The following AIDA variants were observed in gnomAD, a reference collection of about 807,000 sequenced individuals.
AIDA encodes axin interactor, dorsalization-associated protein.
In AIDA, 18 loss-of-function variants were observed where a neutral mutation model predicts 42.7. The ratio of observed to expected loss-of-function variants is 0.42; its 90% CI spans 0.29 to 0.63. AIDA has a LOEUF of 0.63. AIDA is among the 20% of genes least tolerant of loss of function. The pLI is 0.19. For missense variants in AIDA, 250 were observed against 354.1 expected, an observed-to-expected ratio of 0.71 and a Z score of 2.36; for synonymous variants, 104 against 122.9, an observed-to-expected ratio of 0.85 and a Z score of 1.02.
At chr1:222,700,562 C>A (rs1655662112) in intron 2 of AIDA, among the ~76,000 whole-genome samples, 1 of 152,056 alleles carries the variant, frequency 6.6e-6, no homozygotes, top group African/African-American at 2.4e-5. Context: ...TCGAGACTAT[C>A]CTGGCTAACA....
chr1:222,685,253 G>C (rs1392951320), intron 6 of AIDA, among the ~76,000 whole-genome samples: 2 of 152,166 alleles, frequency 1.3e-5, no homozygotes, highest in African/African-American at 4.8e-5. Context: ...ATGCTAAATG[G>C]TTTATACTTA....
chr1:222,673,651 G>A (rs1336104232), intron 7 of AIDA, among the ~76,000 whole-genome samples: 4 of 151,526 alleles, frequency 2.6e-5, no homozygotes, highest in Admixed American at 6.6e-5. Context: ...GGTGGCGGGC[G>A]CCTATAGTCC....
chr1:222,694,142 T>A (rs2124961945), intron 3 of AIDA, 68 bp downstream of exon 3: 1 of 1,378,866 alleles, frequency 7.3e-7, no homozygotes, highest in Non-Finnish European at 1.0e-6. Flanking sequence ...CATAAATGTC[T>A]AATGTTTTAT....
intron 7 of AIDA, 120 bp from the exon 8 acceptor site, chr1:222,673,555 T>C (rs748367285): frequency 4.4e-5 from 28 of 643,430 alleles, no homozygotes; most frequent in Non-Finnish European, 5.9e-5. Flanking sequence ...GGCGGGCAGA[T>C]GACAAGGTCA....
chr1:222,671,472 C>T (rs996796622), intron 8 of AIDA, among the ~76,000 whole-genome samples: 4 of 152,166 alleles, frequency 2.6e-5, no homozygotes, highest in African/African-American at 9.7e-5. Context: ...CTTGCAAAGA[C>T]AACATACATT....
intron 4 of AIDA, among the ~76,000 whole-genome samples, chr1:222,689,481 G>GTGTC (rs1253190601): frequency 2.8e-5 from 1 of 35,330 alleles, no homozygotes; most frequent in Non-Finnish European, 5.9e-5. Flanking sequence ...GTGTGTGTGT[G>GTGTC]TATATATATA....
chr1:222,686,169 A>G (rs1655173120), intron 6 of AIDA, among the ~76,000 whole-genome samples: 1 of 152,186 alleles, frequency 6.6e-6, no homozygotes, highest in Admixed American at 6.5e-5. Context: ...TCAAAACAAA[A>G]CAAAACAAAA....
chr1:222,685,555 C>A (rs1364310836), intron 6 of AIDA, among the ~76,000 whole-genome samples: 1 of 152,192 alleles, frequency 6.6e-6, no homozygotes, highest in African/African-American at 2.4e-5. Context: ...CTTCTAGAAT[C>A]TCTTCTAAAA....
intron 4 of AIDA, among the ~76,000 whole-genome samples, chr1:222,692,387 C>T (rs1655396387): frequency 6.6e-6 from 1 of 152,148 alleles, no homozygotes; most frequent in Admixed American, 6.5e-5. Flanking sequence ...GACCTGCCAC[C>T]CTCCTGAAGC....
chr1:222,712,009 A>T, intron 1 of AIDA, 199 bp downstream of exon 1: 1 of 692,114 alleles, frequency 1.4e-6, no homozygotes, highest in South Asian at 1.9e-5. Flanking sequence ...GAAGAAGGCG[A>T]GTCACCCCAG....
At chr1:222,699,898 AG>A (rs1655640397) in intron 2 of AIDA, among the ~76,000 whole-genome samples, 1 of 151,662 alleles carries the variant, frequency 6.6e-6, no homozygotes, top group South Asian at 2.1e-4. Flanking sequence ...CAGCCTCCCG[AG>A]TAGCTGGGAC....
At chr1:222,674,106 C>CA (rs1017373610) in intron 7 of AIDA, among the ~76,000 whole-genome samples, 3 of 151,944 alleles carry the variant, frequency 2.0e-5, no homozygotes, top group African/African-American at 4.8e-5. Context: ...AAAAAACAAA[C>CA]AAAAAAACCC....
rs1655705434 is a variant in AIDA at position 222,701,589 on chromosome 1, A to G, written c.180+1559T>C. 2.0e-5 allele frequency among the ~76,000 whole-genome samples: 3 copies of G among 152,210 alleles called. No individual in the cohort carries two copies. The South Asian group carries it at 6.2e-4, about 32-fold the overall frequency. On this transcript the variant is annotated intron_variant, in intron 2 of 9. Coordinates refer to ENST00000340020, the MANE Select transcript of AIDA (RefSeq NM_022831.4). ...TTCCTAGAGAAATTTCAGATTTTACAGAGGCTCCTTTCCTTAAGCAAATCA... is the reference window on the plus strand; with the variant it reads ...TTCCTAGAGAAATTTCAGATTTTACGGAGGCTCCTTTCCTTAAGCAAATCA...
intron 1 of AIDA, among the ~76,000 whole-genome samples, chr1:222,704,917 A>C (rs771565096): frequency 6.6e-6 from 1 of 152,222 alleles, no homozygotes; most frequent in Non-Finnish European, 1.5e-5. Context: ...GAACAGGAAT[A>C]CAAAGGGTAG....
intron 6 of AIDA, among the ~76,000 whole-genome samples, chr1:222,680,345 C>A (rs555254797): frequency 6.6e-6 from 1 of 152,214 alleles, no homozygotes; most frequent in Admixed American, 6.5e-5. Flanking sequence ...CCTGCCCCAA[C>A]CTTCCCTTAT....
At chr1:222,670,666 T>C (rs1664430987) in intron 8 of AIDA, among the ~76,000 whole-genome samples, 1 of 152,206 alleles carries the variant, frequency 6.6e-6, no homozygotes, top group Non-Finnish European at 1.5e-5. Context: ...CTCGAATTGT[T>C]TCCCTTACCC....
chr1:222,685,433 T>C (rs574954931), intron 6 of AIDA, among the ~76,000 whole-genome samples: 4 of 152,276 alleles, frequency 2.6e-5, no homozygotes, highest in Non-Finnish European at 4.4e-5. Flanking sequence ...CAAGCCTATA[T>C]TGTTCCTACT....
chr1:222,671,001 T>C (rs1269946130), intron 8 of AIDA, among the ~76,000 whole-genome samples: 1 of 152,046 alleles, frequency 6.6e-6, no homozygotes, highest in East Asian at 1.9e-4. Context: ...GGCAGATCAC[T>C]TGAGCCCAGG....
intron 6 of AIDA, among the ~76,000 whole-genome samples, chr1:222,681,534 A>G (rs1051907481): frequency 6.6e-6 from 1 of 152,144 alleles, no homozygotes; most frequent in African/African-American, 2.4e-5. Flanking sequence ...GTGGTAGTGC[A>G]TGACTGTAAT....
Sources: gnomAD v4.1 joint callset for allele counts (sites outside exome capture counted in the v4.1 genomes callset) on GRCh38, gnomAD v4.1.1 for gene constraint, MANE v1.5 for transcripts, NCBI Gene and HGNC (gene_info 2026-07-23, HGNC 2026-07-21) for gene names.